ROR2: variants seen among roughly 807,000 people sequenced by gnomAD.
The protein encoded by ROR2 is tyrosine-protein kinase transmembrane receptor ROR2.
ROR2 carries 33 observed loss-of-function variants against 74.9 expected under a neutral mutation model. That is an observed-to-expected ratio of 0.44 (90% CI 0.33 to 0.59). The LOEUF (loss-of-function observed/expected upper bound fraction) is 0.59, where lower values mean the gene tolerates loss of function less well. ROR2 is among the 20% of genes least tolerant of loss of function. The pLI, the probability that ROR2 is intolerant of heterozygous loss-of-function variation, is 0.02. For synonymous variants in ROR2, 586 were observed against 558.7 expected, an observed-to-expected ratio of 1.05 and a Z score of -0.69; for missense variants, 1,216 against 1,313.8, an observed-to-expected ratio of 0.93 and a Z score of 1.15.
intron 1 of ROR2, among the ~76,000 whole-genome samples, chr9:91,921,980 A>G (rs1443695253): frequency 6.6e-6 from 1 of 152,020 alleles, no homozygotes; most frequent in East Asian, 1.9e-4. Context: ...CAACTGGCCA[A>G]AAAGAGCATG....
chr9:91,849,868 C>T (rs767090526), intron 1 of ROR2, among the ~76,000 whole-genome samples: 4 of 152,228 alleles, frequency 2.6e-5, no homozygotes, highest in Admixed American at 6.5e-5. Flanking sequence ...TATCTGCATG[C>T]TACTTGGAGA....
Position 91,775,739 on chromosome 9 carries a change from AC to A in ROR2, c.175+1del. The stretch of plus-strand genomic sequence containing the variant: ...GGAGAGCACCTGCATGTCCCAGCTC[AC>A]CTTTCAGAGTTGGAATCGGGCCGTC... On this transcript the variant is annotated splice_donor_variant, in intron 2 of 8. Transcript: ENST00000375708. LOFTEE classifies it high-confidence loss of function. The A allele has an allele frequency of 6.2e-7, 1 of 1,613,672 alleles. No individual in the cohort carries two copies. Among genetic ancestry groups the A allele is most frequent in the Non-Finnish European group, 8.5e-7 (1 of 1,179,734 alleles).
chr9:91,903,699 C>T (rs902622072), intron 1 of ROR2, among the ~76,000 whole-genome samples: 2 of 152,174 alleles, frequency 1.3e-5, no homozygotes, highest in African/African-American at 4.8e-5. Flanking sequence ...CCCACCCCTT[C>T]CCGGTGAGCA....
At chr9:91,840,710 G>C (rs751267086) in intron 1 of ROR2, among the ~76,000 whole-genome samples, 1 of 152,198 alleles carries the variant, frequency 6.6e-6, no homozygotes, top group African/African-American at 2.4e-5. Context: ...AGGCGGTGAT[G>C]GCCAGAACCA....
intron 1 of ROR2, among the ~76,000 whole-genome samples, chr9:91,886,196 G>A (rs1478576964): frequency 6.6e-6 from 1 of 152,074 alleles, no homozygotes; most frequent in African/African-American, 2.4e-5. Context: ...TTTAAAAGGC[G>A]CATTTATCTT....
chr9:91,735,189 T>C (rs1824979010), intron 5 of ROR2, among the ~76,000 whole-genome samples: 1 of 152,212 alleles, frequency 6.6e-6, no homozygotes, highest in African/African-American at 2.4e-5. Flanking sequence ...AAAGTGCAAT[T>C]CTAGGCACAA....
chr9:91,947,919 T>C (rs1040082394), intron 1 of ROR2, among the ~76,000 whole-genome samples: 1 of 152,172 alleles, frequency 6.6e-6, no homozygotes, highest in African/African-American at 2.4e-5. Context: ...ATCATACTCT[T>C]TGGATTTTGT....
At chr9:91,870,440 G>A (rs1309655139) in intron 1 of ROR2, among the ~76,000 whole-genome samples, 1 of 152,142 alleles carries the variant, frequency 6.6e-6, no homozygotes, top group Non-Finnish European at 1.5e-5. Context: ...AACTTCCCCT[G>A]CAACTGCCCA....
chr9:91,725,355 A>G (rs1168481662), intron 8 of ROR2, among the ~76,000 whole-genome samples: 1 of 152,152 alleles, frequency 6.6e-6, no homozygotes, highest in Non-Finnish European at 1.5e-5. Flanking sequence ...CAGGCTACAA[A>G]TAAGGTCCCT....
At chr9:91,803,007 C>T (rs4743854) in intron 1 of ROR2, among the ~76,000 whole-genome samples, 15,158 of 152,050 alleles carry the variant, frequency 0.1, 1,269 homozygotes, top group East Asian at 0.3. Context: ...TCAGCTCACA[C>T]CCACTAAGGC....
Position 91,724,212 on chromosome 9 carries a change from G to A in ROR2, c.2282C>T (p.Thr761Ile), listed in dbSNP as rs1836912592. 2 of 1,613,306 alleles carry A rather than the reference G, an allele frequency of 1.2e-6. No individual in the cohort carries two copies. The highest frequency in any genetic ancestry group is 1.7e-6 in the Non-Finnish European group (2 of 1,180,022). The change falls in exon 9 of 9, where the codon ACC becomes ATC. Residue 761 changes from threonine (T) to isoleucine (I), a missense_variant. Thr to Ile is a moderately conservative substitution (Grantham distance 89). Transcript: ENST00000375708. ...NLSNYNSSAQ[T>I]SGASNTTQTS... is the part of the protein sequence containing the mutation. The stretch of plus-strand genomic sequence containing the variant: ...CTGCGTGGTGTTGCTGGCCCCCGAG[G>A]TCTGCGCCGAGCTGTTGTAGTTGGA...
At position 91,723,433 on chromosome 9, in the gene ROR2, G is replaced by A. The variant is rs75004227; in HGVS notation, c.*229C>T. 4.1e-3 allele frequency: 2,485 copies of A among 610,726 alleles called. 46 individuals carry two copies. The African/African-American group carries it at 0.041, about 10-fold the overall frequency. 37.8% of individuals were successfully genotyped at this position (610,726 alleles called of 1,614,324 possible). A position where few individuals can be genotyped will look rare whatever the true frequency, so the allele number is the denominator to read the frequency against. On this transcript the variant is annotated 3_prime_UTR_variant, in exon 9 of 9. Transcript: ENST00000375708. ...GGATGACCATGTGTCCTGCTCCCCA[G>A]GACGCCGTGCTGCCAGACCCCCTGC...
chr9:91,822,024 C>A (rs915609293), intron 1 of ROR2, among the ~76,000 whole-genome samples: 1 of 151,990 alleles, frequency 6.6e-6, no homozygotes. Context: ...TAAACAAAAA[C>A]CAAGAAAAGG....
At chr9:91,925,494 G>A (rs1361082359) in intron 1 of ROR2, among the ~76,000 whole-genome samples, 1 of 151,918 alleles carries the variant, frequency 6.6e-6, no homozygotes, top group Non-Finnish European at 1.5e-5. Context: ...GTGTGTGTGT[G>A]TGTGCAGCAT....
chr9:91,944,609 A>G (rs1002745644), intron 1 of ROR2, among the ~76,000 whole-genome samples: 5 of 152,262 alleles, frequency 3.3e-5, no homozygotes, highest in Non-Finnish European at 7.3e-5. Context: ...CACAATTCCA[A>G]TTACAACAGC....
At chr9:91,936,750 G>C (rs562728133) in intron 1 of ROR2, among the ~76,000 whole-genome samples, 169 of 152,012 alleles carry the variant, frequency 1.1e-3, no homozygotes, top group African/African-American at 3.6e-3. Context: ...CCCATCTTCG[G>C]CCGGGCGCGG....
At chr9:91,821,113 AAAG>A (rs1390244276) in intron 1 of ROR2, among the ~76,000 whole-genome samples, 2 of 151,678 alleles carry the variant, frequency 1.3e-5, no homozygotes, top group Non-Finnish European at 2.9e-5. Flanking sequence ...AAAAAAAAAA[AAAG>A]AAGGGGAAGT....
chr9:91,783,544 C>T (rs1247766083), intron 1 of ROR2, among the ~76,000 whole-genome samples: 1 of 152,170 alleles, frequency 6.6e-6, no homozygotes, highest in Non-Finnish European at 1.5e-5. Context: ...ACCTCCAACC[C>T]TCACAGCCAT....
chr9:91,829,810 A>C (rs1462038138), intron 1 of ROR2, among the ~76,000 whole-genome samples: 1 of 152,196 alleles, frequency 6.6e-6, no homozygotes, highest in East Asian at 1.9e-4. Flanking sequence ...ATAGTTAGGT[A>C]CTATAAATAA....
Sources: allele counts gnomAD v4.1 joint callset (sites outside exome capture counted in the v4.1 genomes callset), GRCh38; gene constraint gnomAD v4.1.1; transcripts MANE v1.5; gene names NCBI Gene and HGNC (gene_info 2026-07-23, HGNC 2026-07-21).